Variants in NBEA observed in about 807,000 individuals in gnomAD.
The protein encoded by NBEA is lysosomal-trafficking regulator 2.
Under a neutral mutation model 343.4 loss-of-function variants are expected in NBEA, and 44 were observed. The observed-to-expected ratio is 0.13, with a 90% CI of 0.10 to 0.16. The LOEUF is 0.16. Ranked by LOEUF, NBEA falls within the 10% of genes least tolerant of loss-of-function variation. The probability of loss-of-function intolerance (pLI) is 1.00; values close to 1 mark genes in which losing one functional copy is unlikely to be tolerated. For synonymous variants in NBEA, 1,175 were observed against 1,238.7 expected, an observed-to-expected ratio of 0.95 and a Z score of 1.08; for missense variants, 2,555 against 3,631.3, an observed-to-expected ratio of 0.70 and a Z score of 7.62.
intron 55 of NBEA, among the ~76,000 whole-genome samples, chr13:35,661,589 T>G (rs893385492): frequency 6.6e-6 from 1 of 152,140 alleles, no homozygotes; most frequent in African/African-American, 2.4e-5. Context: ...TATTTGATAC[T>G]TGGAACAGAC....
chr13:35,378,871 C>T (rs1014733031), intron 38 of NBEA, among the ~76,000 whole-genome samples: 1 of 152,002 alleles, frequency 6.6e-6, no homozygotes, highest in Non-Finnish European at 1.5e-5. Flanking sequence ...TTTACCCTTA[C>T]ATTTATAAAT....
intron 10 of NBEA, among the ~76,000 whole-genome samples, chr13:35,091,872 C>G (rs1410460495): frequency 1.3e-5 from 2 of 151,860 alleles, no homozygotes; most frequent in African/African-American, 4.8e-5. Flanking sequence ...ATACATGTAA[C>G]ATAATAACAA....
intron 16 of NBEA, 120 bp downstream of exon 16, chr13:35,118,594 TA>T (rs1224804700): frequency 1.4e-6 from 1 of 717,452 alleles, no homozygotes; most frequent in Non-Finnish European, 2.2e-6. Flanking sequence ...CATAAGAGAA[TA>T]AATGGAGAAT....
At chr13:35,496,011 C>T (rs759837057) in intron 41 of NBEA, among the ~76,000 whole-genome samples, 17 of 151,866 alleles carry the variant, frequency 1.1e-4, no homozygotes, top group Non-Finnish European at 1.8e-4. Flanking sequence ...AGAAGCCTGT[C>T]GTTTATAGCA....
intron 47 of NBEA, among the ~76,000 whole-genome samples, chr13:35,604,012 CA>C (rs199874628): frequency 0.013 from 1,937 of 152,210 alleles, 17 homozygotes; most frequent in Non-Finnish European, 0.02. Flanking sequence ...GATTGGATGC[CA>C]ATACATGAGA....
chr13:35,163,901 G>A (rs1418453926), intron 23 of NBEA, among the ~76,000 whole-genome samples: 1 of 151,924 alleles, frequency 6.6e-6, no homozygotes, highest in Non-Finnish European at 1.5e-5. Context: ...AGAACTTTCA[G>A]TTAAATTTTT....
chr13:35,589,840 G>A (rs1226979485), intron 46 of NBEA, among the ~76,000 whole-genome samples: 1 of 152,082 alleles, frequency 6.6e-6, no homozygotes, highest in African/African-American at 2.4e-5. Context: ...ACTGAAAAAG[G>A]GTTGGAAGAT....
At chr13:35,633,231 T>C (rs567050357) in intron 49 of NBEA, among the ~76,000 whole-genome samples, 127 of 151,472 alleles carry the variant, frequency 8.4e-4, no homozygotes, top group Middle Eastern at 3.4e-3. Context: ...GCCTCCCAAG[T>C]AGCTGGGACT....
In NBEA at chr13:35,096,567, G is replaced by A. The variant is rs758523964; in HGVS notation, c.1572-1730G>A. ...AAATACTTTTTTGCCTTTTTTCATG[G>A]ATCATAGGGACCATTGTGAGGCATT... On this transcript the variant is annotated intron_variant, in intron 10 of 58. Transcript: ENST00000379939. Among the ~76,000 whole-genome samples the A allele has an allele frequency of 7.2e-5, 11 of 151,808 alleles. No homozygotes were observed. In the Middle Eastern group the frequency reaches 0.01, roughly 141 times the overall value.
intron 41 of NBEA, among the ~76,000 whole-genome samples, chr13:35,525,643 G>A (rs1008450572): frequency 6.6e-6 from 1 of 152,108 alleles, no homozygotes; most frequent in African/African-American, 2.4e-5. Flanking sequence ...ACTCTATATG[G>A]GAACTCTGAG....
intron 18 of NBEA, among the ~76,000 whole-genome samples, chr13:35,146,608 G>C (rs1437433059): frequency 6.6e-6 from 1 of 152,042 alleles, no homozygotes; most frequent in Non-Finnish European, 1.5e-5. Context: ...TCCCTTGGCT[G>C]GGACAGGTAT....
chr13:35,427,627 G>A (rs557350646), intron 38 of NBEA, among the ~76,000 whole-genome samples: 3 of 152,306 alleles, frequency 2.0e-5, no homozygotes, highest in African/African-American at 4.8e-5. Context: ...ATCTCAATCT[G>A]TGTGCTGGGA....
At chr13:35,144,383 G>T (rs967377563) in intron 18 of NBEA, among the ~76,000 whole-genome samples, 2 of 152,158 alleles carry the variant, frequency 1.3e-5, no homozygotes, top group African/African-American at 4.8e-5. Context: ...GTGAGTGTGT[G>T]ATTTAGTATG....
chr13:35,649,974 A>G, intron 52 of NBEA, 127 bp downstream of exon 52: 1 of 918,796 alleles, frequency 1.1e-6, no homozygotes, highest in Non-Finnish European at 1.6e-6. Flanking sequence ...GACTAAATAA[A>G]TAATTGTCAA....
intron 34 of NBEA, among the ~76,000 whole-genome samples, chr13:35,257,782 C>G (rs991379745): frequency 6.6e-5 from 10 of 152,076 alleles, no homozygotes; most frequent in African/African-American, 2.2e-4. Context: ...CCTGTGCAAA[C>G]AAAAATTGGT....
In NBEA at chr13:34,988,752, A is replaced by G. The variant is rs1410026345; in HGVS notation, c.294+45638A>G. Reference sequence around the variant, plus strand: ...TCGACGTTTACTTTATCTAATAGTTATATTGTTGCACAATCTGTCTTGTTT... The same window carrying G: ...TCGACGTTTACTTTATCTAATAGTTGTATTGTTGCACAATCTGTCTTGTTT... On this transcript the variant is annotated intron_variant, in intron 1 of 58. Coordinates refer to ENST00000379939, the MANE Select transcript of NBEA (RefSeq NM_001385012.1). Among the ~76,000 whole-genome samples, 32 of 150,986 alleles carry G rather than the reference A, an allele frequency of 2.1e-4. 2 individuals carry two copies. The highest frequency in any genetic ancestry group is 1.8e-3 in the Admixed American group (27 of 15,172).
intron 34 of NBEA, among the ~76,000 whole-genome samples, chr13:35,239,525 A>G (rs1398264253): frequency 6.6e-6 from 1 of 152,134 alleles, no homozygotes; most frequent in African/African-American, 2.4e-5. Flanking sequence ...TAATTATTTT[A>G]TCCCGTGTTC....
At chr13:35,433,981 T>G (rs1238955701) in intron 39 of NBEA, among the ~76,000 whole-genome samples, 1 of 152,076 alleles carries the variant, frequency 6.6e-6, no homozygotes, top group Non-Finnish European at 1.5e-5. Flanking sequence ...TGTAACAGAG[T>G]TTATACTACA....
chr13:35,584,736 G>A (rs1311377922), intron 46 of NBEA, among the ~76,000 whole-genome samples: 1 of 152,008 alleles, frequency 6.6e-6, no homozygotes, highest in African/African-American at 2.4e-5. Flanking sequence ...CTGACCTCAG[G>A]TGATCCACCT....
Sources: gnomAD v4.1 joint callset for allele counts (sites outside exome capture counted in the v4.1 genomes callset) on GRCh38, gnomAD v4.1.1 for gene constraint, MANE v1.5 for transcripts, NCBI Gene and HGNC (gene_info 2026-07-23, HGNC 2026-07-21) for gene names.